Variants in GNA12 observed in about 807,000 individuals in gnomAD.
GNA12 encodes guanine nucleotide-binding protein subunit alpha-12.
A neutral mutation model predicts 26.0 loss-of-function variants in GNA12; 9 were observed. The observed-to-expected ratio is 0.35, with a 90% CI of 0.21 to 0.60. The LOEUF (loss-of-function observed/expected upper bound fraction) is 0.60. Among genes scored for constraint, GNA12 ranks in the 20% least tolerant of loss-of-function variants. The probability of loss-of-function intolerance (pLI) is 0.78; values close to 1 mark genes in which losing one functional copy is unlikely to be tolerated. For synonymous variants in GNA12, 264 were observed against 219.6 expected (o/e 1.20, Z -1.79); for missense variants, 405 against 525.8 (o/e 0.77, Z 2.25).
At position 2,831,027 on chromosome 7, in the gene GNA12, C is replaced by G. The variant is rs77344148; in HGVS notation, c.309+12826G>C. On this transcript the variant is annotated intron_variant, in intron 1 of 3. Coordinates refer to ENST00000275364, the MANE Select transcript of GNA12 (RefSeq NM_007353.3). Reference sequence around the variant, plus strand: ...GGTATCATTCCTTCCAGGCCATCTTCTCATCTCCTCAGCTTCTGCAGTACC... The same window carrying G: ...GGTATCATTCCTTCCAGGCCATCTTGTCATCTCCTCAGCTTCTGCAGTACC... Among the ~76,000 whole-genome samples, 282 of 152,248 alleles carry G rather than the reference C, an allele frequency of 1.9e-3. 1 individual carries two copies. Among genetic ancestry groups the G allele is most frequent in the African/African-American group, 6.6e-3 (274 of 41,532 alleles).
chr7:2,789,738 C>A (rs949707594), intron 2 of GNA12, among the ~76,000 whole-genome samples: 4 of 152,196 alleles, frequency 2.6e-5, no homozygotes, highest in Admixed American at 1.3e-4. Context: ...CACAGCATCT[C>A]CCTGGCCATG....
chr7:2,778,239 T>C (rs1289390210), intron 2 of GNA12, among the ~76,000 whole-genome samples: 1 of 152,216 alleles, frequency 6.6e-6, no homozygotes, highest in Non-Finnish European at 1.5e-5. Context: ...AACAACTTAA[T>C]AAATCAAGCA....
chr7:2,815,072 G>A lies in GNA12; in HGVS notation c.310-19929C>T, dbSNP rs527347458. ...AAGCGCCGCCACTGTGGCAGGCTCC[G>A]AGGACACAACAGAGAACCAGACAGA... On this transcript the variant is annotated intron_variant, in intron 1 of 3. Coordinates refer to ENST00000275364, the MANE Select transcript of GNA12 (RefSeq NM_007353.3). 2.4e-5 allele frequency: 33 copies of A among 1,403,286 alleles called. No homozygotes were observed. In the East Asian group the frequency reaches 3.3e-4, roughly 14 times the overall value. 86.9% of individuals were successfully genotyped at this position (1,403,286 alleles called of 1,614,324 possible).
intron 2 of GNA12, among the ~76,000 whole-genome samples, chr7:2,751,949 G>C (rs572829244): frequency 6.6e-6 from 1 of 152,128 alleles, no homozygotes; most frequent in Admixed American, 6.5e-5. Flanking sequence ...ACTAACGAAC[G>C]TGAACTTTTT....
At chr7:2,790,379 T>C (rs1013768567) in intron 2 of GNA12, among the ~76,000 whole-genome samples, 3 of 152,168 alleles carry the variant, frequency 2.0e-5, no homozygotes, top group Non-Finnish European at 2.9e-5. Flanking sequence ...AGCCACCGAA[T>C]AGCTGGAACT....
At chr7:2,785,222 C>T (rs1461382022) in intron 2 of GNA12, among the ~76,000 whole-genome samples, 1 of 152,162 alleles carries the variant, frequency 6.6e-6, no homozygotes, top group Non-Finnish European at 1.5e-5. Context: ...AGCAAGTGTC[C>T]CACCCGCTCC....
At chr7:2,743,991 G>T (rs556316743) in intron 2 of GNA12, among the ~76,000 whole-genome samples, 11 of 152,310 alleles carry the variant, frequency 7.2e-5, no homozygotes, top group South Asian at 4.1e-4. Flanking sequence ...CACCATTGCC[G>T]AGACTTGATT....
intron 2 of GNA12, among the ~76,000 whole-genome samples, chr7:2,767,486 A>T (rs1372236155): frequency 6.6e-6 from 1 of 152,228 alleles, no homozygotes; most frequent in Non-Finnish European, 1.5e-5. Flanking sequence ...ACAATCACTT[A>T]TGTGACCCTT....
In GNA12 at chr7:2,765,742, T is replaced by C. The variant is rs539472618; in HGVS notation, c.525+29186A>G. Reference sequence around the variant, plus strand: ...GCCTCCTGGGTTCAAGCGATTCTCCTGTCTTAGCCTCCTGAGTAGCTGGGA... The same window carrying C: ...GCCTCCTGGGTTCAAGCGATTCTCCCGTCTTAGCCTCCTGAGTAGCTGGGA... On this transcript the variant is annotated intron_variant, in intron 2 of 3. Coordinates refer to ENST00000275364, the MANE Select transcript of GNA12 (RefSeq NM_007353.3). Among the ~76,000 whole-genome samples the C allele has an allele frequency of 1.1e-3, 173 of 152,270 alleles. 1 individual carries two copies. The highest frequency in any genetic ancestry group is 4.1e-3 in the African/African-American group (172 of 41,556).
At chr7:2,837,945 C>T (rs1267837381) in intron 1 of GNA12, among the ~76,000 whole-genome samples, 1 of 152,076 alleles carries the variant, frequency 6.6e-6, no homozygotes, top group Middle Eastern at 3.4e-3. Context: ...TGAAGTAAAC[C>T]ACCTGATGTG....
At chr7:2,835,032 A>G (rs1778795823) in intron 1 of GNA12, among the ~76,000 whole-genome samples, 1 of 152,190 alleles carries the variant, frequency 6.6e-6, no homozygotes, top group Admixed American at 6.5e-5. Context: ...TGGGGTGGCT[A>G]AAGGCTACAC....
chr7:2,755,375 T>G (rs968168631), intron 2 of GNA12, among the ~76,000 whole-genome samples: 3 of 152,382 alleles, frequency 2.0e-5, no homozygotes, highest in South Asian at 2.1e-4. Context: ...GCACTGAGTT[T>G]TCCATGAACA....
At chr7:2,777,383 A>AT (rs1367054663) in intron 2 of GNA12, among the ~76,000 whole-genome samples, 2 of 152,242 alleles carry the variant, frequency 1.3e-5, no homozygotes, top group Non-Finnish European at 2.9e-5. Context: ...GGGCGAAGCT[A>AT]TATGTTTGGA....
intron 1 of GNA12, among the ~76,000 whole-genome samples, chr7:2,833,556 A>G (rs529053339): frequency 6.6e-6 from 1 of 152,168 alleles, no homozygotes; most frequent in Non-Finnish European, 1.5e-5. Context: ...CCAATCACTC[A>G]TGTGTTCTGA....
intron 2 of GNA12, among the ~76,000 whole-genome samples, chr7:2,774,557 G>A (rs1009036134): frequency 6.6e-6 from 1 of 152,184 alleles, no homozygotes; most frequent in African/African-American, 2.4e-5. Flanking sequence ...GAGGAGGGGA[G>A]CAGGAGATGG....
intron 1 of GNA12, among the ~76,000 whole-genome samples, chr7:2,840,087 C>G (rs114763685): frequency 1.1e-4 from 17 of 152,122 alleles, no homozygotes; most frequent in African/African-American, 4.1e-4. Flanking sequence ...GGGTCCTTCT[C>G]TGATGGAAAG....
chr7:2,780,048 G>GTGTGTATATATATATATATA (rs748113158), intron 2 of GNA12, among the ~76,000 whole-genome samples: 11 of 84,732 alleles, frequency 1.3e-4, no homozygotes, highest in Admixed American at 2.3e-4. Context: ...ACATTTCTGT[G>GTGTGTATATATATATATATA]TACATATATA....
chr7:2,816,506 C>T (rs1793223106), intron 1 of GNA12, among the ~76,000 whole-genome samples: 1 of 152,244 alleles, frequency 6.6e-6, no homozygotes, highest in African/African-American at 2.4e-5. Context: ...GCTGGGATTA[C>T]AGGCGTGAGC....
chr7:2,753,144 C>G (rs184701431), intron 2 of GNA12, among the ~76,000 whole-genome samples: 1 of 150,574 alleles, frequency 6.6e-6, no homozygotes, highest in Non-Finnish European at 1.5e-5. Context: ...TGAAACCATA[C>G]AGCATGCGGC....
Sources: gnomAD v4.1 joint callset for allele counts (sites outside exome capture counted in the v4.1 genomes callset) on GRCh38, gnomAD v4.1.1 for gene constraint, MANE v1.5 for transcripts, NCBI Gene and HGNC (gene_info 2026-07-23, HGNC 2026-07-21) for gene names.